The following CFHR2 variants were observed in gnomAD, a reference collection of about 807,000 sequenced individuals.
The protein encoded by CFHR2 is complement factor H-related protein 2.
In CFHR2, 22 loss-of-function variants were observed where a neutral mutation model predicts 21.7. That is an observed-to-expected ratio of 1.01 (90% CI 0.72 to 1.45). The LOEUF (loss-of-function observed/expected upper bound fraction) is 1.45. Among genes scored for constraint, CFHR2 ranks in the 40% most tolerant of loss-of-function variants. The pLI, the probability that CFHR2 is intolerant of heterozygous loss-of-function variation, is 0.00. For missense variants in CFHR2, 294 were observed against 293.3 expected, an observed-to-expected ratio of 1.00 and a Z score of -0.02; for synonymous variants, 98 against 97.4, an observed-to-expected ratio of 1.01 and a Z score of -0.04.
chr1:196,952,697 G>A (rs565547605), intron 3 of CFHR2, among the ~76,000 whole-genome samples: 6 of 152,094 alleles, frequency 3.9e-5, no homozygotes, highest in African/African-American at 1.4e-4. Flanking sequence ...AAAATATCCC[G>A]GGTTTAATTC....
intron 1 of CFHR2, 41 bp from the exon 2 acceptor site, chr1:196,949,414 A>T (rs1345492870): frequency 6.5e-7 from 1 of 1,545,534 alleles, no homozygotes; most frequent in African/African-American, 1.4e-5. Context: ...TTATTTATGT[A>T]GCTTATTATG....
At chr1:196,951,872 C>T (rs935099116) in intron 3 of CFHR2, among the ~76,000 whole-genome samples, 2 of 152,120 alleles carry the variant, frequency 1.3e-5, no homozygotes, top group Admixed American at 1.3e-4. Context: ...TGTCAGCAAA[C>T]AGATGGGGCT....
At chr1:196,954,282 G>A (rs1309358421) in intron 3 of CFHR2, among the ~76,000 whole-genome samples, 6 of 152,186 alleles carry the variant, frequency 3.9e-5, no homozygotes, top group African/African-American at 7.2e-5. Flanking sequence ...GGTCTCATTT[G>A]ACTCCTCGTC....
At chr1:196,956,557 C>T (rs943628123) in intron 3 of CFHR2, among the ~76,000 whole-genome samples, 12 of 152,000 alleles carry the variant, frequency 7.9e-5, no homozygotes, top group African/African-American at 2.9e-4. Context: ...TGTTTTCAGT[C>T]TATTTTCAGA....
At position 196,957,931 on chromosome 1, in the gene CFHR2, T is replaced by C. The variant is rs771504635; in HGVS notation, c.471T>C (p.Asn157=). The C allele has an allele frequency of 1.2e-6, 2 of 1,613,548 alleles. No homozygotes were observed. The highest frequency in any genetic ancestry group is 1.3e-5 in the African/African-American group (1 of 75,030). ...GTGGGCCCCCTCCACCTATTGACAATGGAGACATTACTTCATTCCTGTTGT... is the reference window on the plus strand; with the variant it reads ...GTGGGCCCCCTCCACCTATTGACAACGGAGACATTACTTCATTCCTGTTGT... ...EKCGPPPPID[N]GDITSFLLSV... is the part of the protein sequence containing the mutation. Residue 157 remains asparagine (N), a synonymous_variant, in exon 4 of 5, where the codon AAT becomes AAC. Transcript: ENST00000367415.
chr1:196,950,099 T>A (rs1659669437), intron 2 of CFHR2, among the ~76,000 whole-genome samples: 1 of 152,114 alleles, frequency 6.6e-6, no homozygotes, highest in Non-Finnish European at 1.5e-5. Flanking sequence ...ATATTAACCC[T>A]CCAATAAATG....
chr1:196,958,070 T>TTAA lies in CFHR2; in HGVS notation c.612_613insATA (p.Leu204_Asp205insIle), dbSNP rs1405532649. ...ACAATGGTCAGAACCACCAAAATGC[T>TTAA]TAGGTAAGTACTTTAATATTCTCAT... On this transcript the variant is annotated inframe_insertion, in exon 4 of 5. Transcript: ENST00000367415. 4 of 1,612,762 alleles carry TTAA rather than the reference T, an allele frequency of 2.5e-6. No individual in the cohort carries two copies. Among genetic ancestry groups the TTAA allele is most frequent in the Non-Finnish European group, 3.4e-6 (4 of 1,179,044 alleles).
chr1:196,953,666 A>G (rs886196105), intron 3 of CFHR2, among the ~76,000 whole-genome samples: 1 of 152,200 alleles, frequency 6.6e-6, no homozygotes, highest in Non-Finnish European at 1.5e-5. Context: ...CCATCCAAAT[A>G]TTGGAATAAA....
chr1:196,950,393 C>G (rs924733811), intron 2 of CFHR2, among the ~76,000 whole-genome samples: 2 of 152,106 alleles, frequency 1.3e-5, no homozygotes, highest in African/African-American at 2.4e-5. Flanking sequence ...AGTAGCAAGA[C>G]TTAACTTCTT....
chr1:196,958,186 C>T lies in CFHR2; in HGVS notation c.613+113C>T, dbSNP rs907335184. ...TAACAAACAAGCATTCTGCTGAATGCTTGCCTACCAAATGTCTATATGATA... is the reference window on the plus strand; with the variant it reads ...TAACAAACAAGCATTCTGCTGAATGTTTGCCTACCAAATGTCTATATGATA... On this transcript the variant is annotated intron_variant, in intron 4 of 4. Transcript: ENST00000367415. 5 of 1,056,122 alleles carry T rather than the reference C, an allele frequency of 4.7e-6. No homozygotes were observed. In the African/African-American group the frequency reaches 6.4e-5, roughly 13 times the overall value. 65.4% of individuals were successfully genotyped at this position (1,056,122 alleles called of 1,614,324 possible). A position where few individuals can be genotyped will look rare whatever the true frequency, so the allele number is the denominator to read the frequency against.
At chr1:196,958,202 C>A in intron 4 of CFHR2, 129 bp downstream of exon 4, 1 of 790,346 alleles carries the variant, frequency 1.3e-6, no homozygotes. Flanking sequence ...TACCAAATGT[C>A]TATATGATAG....
intron 1 of CFHR2, among the ~76,000 whole-genome samples, chr1:196,947,705 G>A (rs1313702282): frequency 6.6e-6 from 1 of 152,086 alleles, no homozygotes; most frequent in Non-Finnish European, 1.5e-5. Flanking sequence ...TATTTCTTAT[G>A]CAACAGTACT....
intron 2 of CFHR2, 37 bp from the exon 3 acceptor site, chr1:196,950,815 C>T: frequency 1.2e-6 from 2 of 1,608,110 alleles, no homozygotes; most frequent in South Asian, 2.2e-5. Context: ...TTCTTTGCTA[C>T]TTCCATCTTG....
Position 196,948,336 on chromosome 1 carries a change from C to G in CFHR2, c.59-1119C>G, listed in dbSNP as rs1018701429. ...TCGCCCCCAGGATGGTGTTTAGTGG[C>G]ATGATCTCGGCTCACTGCAACATAC... On this transcript the variant is annotated intron_variant, in intron 1 of 4. Coordinates refer to ENST00000367415, the MANE Select transcript of CFHR2 (RefSeq NM_005666.4). Among the ~76,000 whole-genome samples, 139 of 152,136 alleles carry G rather than the reference C, an allele frequency of 9.1e-4. 1 individual carries two copies. The highest frequency in any genetic ancestry group is 3.1e-3 in the African/African-American group (129 of 41,516).
chr1:196,947,153 G>GTATATATATA (rs1553309310), intron 1 of CFHR2, among the ~76,000 whole-genome samples: 2 of 151,776 alleles, frequency 1.3e-5, no homozygotes, highest in African/African-American at 4.8e-5. Context: ...GTGTGTGTGT[G>GTATATATATA]TATCCCAGAA....
chr1:196,957,590 C>T (rs1652940401), intron 3 of CFHR2, among the ~76,000 whole-genome samples: 1 of 152,024 alleles, frequency 6.6e-6, no homozygotes, highest in African/African-American at 2.4e-5. Flanking sequence ...AAATAAGAAA[C>T]TTTCTGTGTT....
chr1:196,957,255 A>G (rs1181212422), intron 3 of CFHR2, among the ~76,000 whole-genome samples: 1 of 152,054 alleles, frequency 6.6e-6, no homozygotes, highest in Admixed American at 6.6e-5. Flanking sequence ...GAAAACCCAC[A>G]TGACACCCTG....
At chr1:196,951,357 G>T (rs1274331754) in intron 3 of CFHR2, among the ~76,000 whole-genome samples, 1 of 152,174 alleles carries the variant, frequency 6.6e-6, no homozygotes, top group Non-Finnish European at 1.5e-5. Flanking sequence ...GTATTGAAGT[G>T]AAAATAAGTC....
chr1:196,958,191 C>A, intron 4 of CFHR2, 118 bp downstream of exon 4: 1 of 973,696 alleles, frequency 1.0e-6, no homozygotes, highest in Non-Finnish European at 1.5e-6. Context: ...GAATGCTTGC[C>A]TACCAAATGT....
Sources: gnomAD v4.1 joint callset for allele counts (sites outside exome capture counted in the v4.1 genomes callset) on GRCh38, gnomAD v4.1.1 for gene constraint, MANE v1.5 for transcripts, NCBI Gene and HGNC (gene_info 2026-07-23, HGNC 2026-07-21) for gene names.